Variants in TMEM260 observed in about 807,000 individuals in gnomAD.
The protein encoded by TMEM260 is transmembrane protein 260.
In TMEM260, 82 loss-of-function variants were observed where a neutral mutation model predicts 88.9. The ratio of observed to expected loss-of-function variants is 0.92; its 90% confidence interval spans 0.77 to 1.11. TMEM260 has a LOEUF of 1.11. Ranked by LOEUF, TMEM260 falls within the 50% of genes least tolerant of loss-of-function variation. The pLI, the probability that TMEM260 is intolerant of heterozygous loss-of-function variation, is 0.00. For synonymous variants in TMEM260, 314 were observed against 309.3 expected (o/e 1.02, Z -0.16); for missense variants, 902 against 853.4 (o/e 1.06, Z -0.71).
At chr14:56,656,657 C>T in the TMEM260 span, among the ~76,000 whole-genome samples, 1 of 152,206 alleles carries the variant, frequency 6.6e-6, no homozygotes, top group Middle Eastern at 3.4e-3. Flanking sequence ...TTCAAAGCCT[C>T]CTGGTACTTT....
At chr14:56,579,706 G>A (rs989440630), upstream of TMEM260, 2 of 405,842 alleles carry the variant, frequency 4.9e-6, no homozygotes, top group Non-Finnish European at 8.5e-6. Flanking sequence ...TGCACTGCGG[G>A]AAAACTCGCA....
At chr14:56,641,872 A>G (rs1749471280) in intron 15 of TMEM260, among the ~76,000 whole-genome samples, 1 of 151,038 alleles carries the variant, frequency 6.6e-6, no homozygotes, top group South Asian at 2.1e-4. Context: ...CTAGTCTCTG[A>G]TAAAACAGAC....
intron 15 of TMEM260, among the ~76,000 whole-genome samples, chr14:56,645,535 C>G (rs1259147415): frequency 1.3e-5 from 2 of 151,918 alleles, no homozygotes; most frequent in East Asian, 1.9e-4. Flanking sequence ...GGAGATATAC[C>G]TAATGCTAAA....
At chr14:56,632,797 C>T (rs1459586019) in intron 12 of TMEM260, among the ~76,000 whole-genome samples, 198 bp from the exon 13 acceptor site, 1 of 152,058 alleles carries the variant, frequency 6.6e-6, no homozygotes, top group Non-Finnish European at 1.5e-5. Flanking sequence ...CATTAGTCTT[C>T]AACAGTTCTG....
chr14:56,632,461 A>G (rs548925092), intron 12 of TMEM260, among the ~76,000 whole-genome samples: 1 of 152,208 alleles, frequency 6.6e-6, no homozygotes, highest in African/African-American at 2.4e-5. Flanking sequence ...GTTGCCTGGC[A>G]CCTGGGAAAG....
chr14:56,633,246 A>T, intron 13 of TMEM260, 75 bp downstream of exon 13: 1 of 1,265,702 alleles, frequency 7.9e-7, no homozygotes, highest in Non-Finnish European at 1.1e-6. Context: ...CTACATTTTG[A>T]GATGCCTTCT....
chr14:56,641,471 A>AT (rs1210554163), intron 15 of TMEM260, among the ~76,000 whole-genome samples: 2 of 152,212 alleles, frequency 1.3e-5, no homozygotes, highest in Non-Finnish European at 2.9e-5. Context: ...ATGCTGAGAG[A>AT]TTTTGTCACC....
chr14:56,638,883 T>A (rs1158183162), intron 15 of TMEM260, among the ~76,000 whole-genome samples: 1 of 152,124 alleles, frequency 6.6e-6, no homozygotes, highest in Non-Finnish European at 1.5e-5. Context: ...AAGACTAATA[T>A]CACAGCAACA....
chr14:56,654,616 C>T (rs1284160489), downstream of TMEM260, among the ~76,000 whole-genome samples: 3 of 151,722 alleles, frequency 2.0e-5, no homozygotes, highest in Non-Finnish European at 4.4e-5. Context: ...GTCAGGAGTT[C>T]GAGACCAGCC....
At chr14:56,595,651 A>G (rs1160348559) in intron 3 of TMEM260, among the ~76,000 whole-genome samples, 2 of 151,624 alleles carry the variant, frequency 1.3e-5, no homozygotes, top group Admixed American at 6.6e-5. Flanking sequence ...GCTAATTTTT[A>G]TTTATTTTTA....
intron 12 of TMEM260, among the ~76,000 whole-genome samples, chr14:56,632,050 T>G (rs1314563257): frequency 1.3e-5 from 2 of 152,104 alleles, no homozygotes; most frequent in Non-Finnish European, 2.9e-5. Context: ...TGGGTGGTGG[T>G]CTGTCCTGTG....
intron 13 of TMEM260, among the ~76,000 whole-genome samples, chr14:56,634,410 A>T (rs2139630366): frequency 6.6e-6 from 1 of 152,330 alleles, no homozygotes; most frequent in South Asian, 2.1e-4. Flanking sequence ...TTAAGAAGAT[A>T]TTTACCAAAA....
At chr14:56,599,218 C>G (rs1335115980) in intron 3 of TMEM260, among the ~76,000 whole-genome samples, 1 of 152,144 alleles carries the variant, frequency 6.6e-6, no homozygotes, top group African/African-American at 2.4e-5. Flanking sequence ...CTTTAACTCC[C>G]ACTCTTGTCC....
At chr14:56,591,036 A>G (rs1198079175) in intron 3 of TMEM260, among the ~76,000 whole-genome samples, 1 of 152,242 alleles carries the variant, frequency 6.6e-6, no homozygotes, top group Non-Finnish European at 1.5e-5. Flanking sequence ...TCATATTTGC[A>G]CAGCTACTGT....
rs745814889 is a variant in TMEM260, at chr14:56,609,249, A to C, written c.780A>C (p.Thr260=). 4 of 1,613,950 alleles carry C rather than the reference A, an allele frequency of 2.5e-6. No homozygotes were observed. In the African/African-American group the frequency reaches 5.3e-5, roughly 22 times the overall value. Residue 260 remains threonine, a synonymous_variant, in exon 6 of 16, where the codon ACA becomes ACC. Transcript: ENST00000261556. ...GDQTTLQGFL[T]HFLREEYGTF... ...AGACAACACTGCAAGGATTTTTGAC[A>C]CATTTTCTCAGGGAAGAATATGGAA...
At chr14:56,650,068 CT>C (rs1269104828), downstream of TMEM260, 1 of 454,276 alleles carries the variant, frequency 2.2e-6, no homozygotes, top group East Asian at 7.0e-5. Flanking sequence ...CTTTCCTTGG[CT>C]AGTGTACAGA....
the TMEM260 span, among the ~76,000 whole-genome samples, chr14:56,657,569 A>G: frequency 6.6e-6 from 1 of 152,236 alleles, no homozygotes; most frequent in Non-Finnish European, 1.5e-5. Flanking sequence ...TCCATTCCAG[A>G]AGGGGAGAAA....
At chr14:56,584,095 A>AG (rs1468807183) in intron 1 of TMEM260, among the ~76,000 whole-genome samples, 2 of 151,854 alleles carry the variant, frequency 1.3e-5, no homozygotes, top group African/African-American at 4.8e-5. Flanking sequence ...GATGAATTGA[A>AG]GTAGGATTGG....
intron 11 of TMEM260, among the ~76,000 whole-genome samples, chr14:56,621,909 T>G (rs979276641): frequency 1.3e-5 from 2 of 152,294 alleles, no homozygotes; most frequent in African/African-American, 2.4e-5. Flanking sequence ...ACTAGTTGCT[T>G]CTTTCTCATT....
Sources: gnomAD v4.1 joint callset for allele counts (sites outside exome capture counted in the v4.1 genomes callset) on GRCh38, gnomAD v4.1.1 for gene constraint, MANE v1.5 for transcripts, NCBI Gene and HGNC (gene_info 2026-07-23, HGNC 2026-07-21) for gene names.